Variants in DRC11 observed in about 807,000 individuals in gnomAD.
DRC11 encodes dynein regulatory complex subunit 11.
the DRC11 span, among the ~76,000 whole-genome samples, chr2:236,494,515 C>T: frequency 6.6e-6 from 1 of 152,156 alleles, no homozygotes; most frequent in African/African-American, 2.4e-5. The surrounding 1 kb of genome is among the most constrained non-coding windows in gnomAD (Gnocchi z 4.2). Context: ...AAAAGGAGTA[C>T]AGAAGTGCTA....
At chr2:236,338,522 T>C in the DRC11 span, 1 of 773,682 alleles carries the variant, frequency 1.3e-6, no homozygotes, top group Non-Finnish European at 2.0e-6. Context: ...TTAAGGTTTG[T>C]CCTGGGATGG....
At chr2:236,439,195 A>G in the DRC11 span, among the ~76,000 whole-genome samples, 1 of 151,658 alleles carries the variant, frequency 6.6e-6, no homozygotes, top group Admixed American at 6.6e-5. Flanking sequence ...AAAAGCTAGC[A>G]GAAGGCAAGA....
chr2:236,466,012 G>A, the DRC11 span, among the ~76,000 whole-genome samples: 1 of 151,724 alleles, frequency 6.6e-6, no homozygotes, highest in African/African-American at 2.4e-5. Context: ...GAGAATTATA[G>A]AAAAGAAAAA....
chr2:236,494,681 C>T, the DRC11 span, among the ~76,000 whole-genome samples: 3 of 152,130 alleles, frequency 2.0e-5, no homozygotes, highest in Non-Finnish European at 4.4e-5. This position sits in a 1 kb window ranked among gnomAD's most constrained non-coding sequence, Gnocchi z 4.2. Context: ...TGTGACTCCC[C>T]ATAACCTCCC....
the DRC11 span, among the ~76,000 whole-genome samples, chr2:236,505,602 G>A: frequency 9.9e-5 from 15 of 152,046 alleles, 1 homozygote; most frequent in Non-Finnish European, 2.2e-4. Flanking sequence ...CATTTCATCT[G>A]ATGCTGTCAC....
At chr2:236,337,308 C>G in the DRC11 span, among the ~76,000 whole-genome samples, 4,024 of 152,180 alleles carry the variant, frequency 0.026, 201 homozygotes, top group African/African-American at 0.092. The surrounding 1 kb of genome is among the most constrained non-coding windows in gnomAD (Gnocchi z 4.9). Flanking sequence ...AGAACGGCCG[C>G]CAGCACTCTC....
the DRC11 span, chr2:236,454,630 T>C: frequency 1.1e-4 from 16 of 152,314 alleles, no homozygotes; most frequent in African/African-American, 3.8e-4. This position sits in a 1 kb window ranked among gnomAD's most constrained non-coding sequence, Gnocchi z 5.3. Context: ...ATGCTGAAAG[T>C]AATTCATGCT....
the DRC11 span, among the ~76,000 whole-genome samples, chr2:236,387,522 T>C: frequency 6.6e-6 from 1 of 152,102 alleles, no homozygotes; most frequent in Non-Finnish European, 1.5e-5. Flanking sequence ...TTGGTAGATC[T>C]TCCTCCATCC....
the DRC11 span, among the ~76,000 whole-genome samples, chr2:236,335,874 C>T: frequency 2.0e-5 from 3 of 152,120 alleles, no homozygotes; most frequent in Non-Finnish European, 2.9e-5. The surrounding 1 kb of genome is among the most constrained non-coding windows in gnomAD (Gnocchi z 5.6). Flanking sequence ...GTGGTGCCTG[C>T]CCGTCTTGCG....
chr2:236,446,414 T>A, the DRC11 span, among the ~76,000 whole-genome samples: 3 of 152,170 alleles, frequency 2.0e-5, no homozygotes, highest in East Asian at 3.9e-4. This position sits in a 1 kb window ranked among gnomAD's most constrained non-coding sequence, Gnocchi z 6.2. Flanking sequence ...ATCTGGGGAC[T>A]TCCCCAGGAG....
chr2:236,426,335 G>C, the DRC11 span, among the ~76,000 whole-genome samples: 2 of 151,784 alleles, frequency 1.3e-5, no homozygotes, highest in African/African-American at 4.9e-5. The surrounding 1 kb of genome is among the most constrained non-coding windows in gnomAD (Gnocchi z 4.1). Context: ...ATGTTTTGTA[G>C]GTTTCAATAC....
the DRC11 span, among the ~76,000 whole-genome samples, chr2:236,325,104 G>A: frequency 2.0e-5 from 3 of 152,286 alleles, no homozygotes; most frequent in Admixed American, 6.5e-5. The surrounding 1 kb of genome is among the most constrained non-coding windows in gnomAD (Gnocchi z 4.4). Context: ...TCTTGGTAAC[G>A]TGAAGGGTGC....
At chr2:236,459,576 C>CGTATATACGTACGTAT in the DRC11 span, among the ~76,000 whole-genome samples, 3 of 126,234 alleles carry the variant, frequency 2.4e-5, no homozygotes, top group Non-Finnish European at 3.5e-5. Context: ...TATGTGTATA[C>CGTATATACGTACGTAT]ATACGTATAT....
At chr2:236,489,614 C>G in the DRC11 span, among the ~76,000 whole-genome samples, 9 of 152,114 alleles carry the variant, frequency 5.9e-5, no homozygotes, top group Admixed American at 5.9e-4. Flanking sequence ...AGGGACAGAT[C>G]ACTGGAGTCA....
the DRC11 span, among the ~76,000 whole-genome samples, chr2:236,469,162 G>A: frequency 9.2e-5 from 14 of 152,168 alleles, no homozygotes; most frequent in African/African-American, 2.2e-4. This position sits in a 1 kb window ranked among gnomAD's most constrained non-coding sequence, Gnocchi z 5.8. Flanking sequence ...TTCCTGTACC[G>A]CGTTTCTTTA....
chr2:236,321,023 A>G, the DRC11 span, among the ~76,000 whole-genome samples: 1 of 152,202 alleles, frequency 6.6e-6, no homozygotes, highest in Non-Finnish European at 1.5e-5. Context: ...ACAAGGTACC[A>G]TGCCTTCTCC....
At chr2:236,461,790 A>G in the DRC11 span, among the ~76,000 whole-genome samples, 1 of 152,168 alleles carries the variant, frequency 6.6e-6, no homozygotes, top group African/African-American at 2.4e-5. This position sits in a 1 kb window ranked among gnomAD's most constrained non-coding sequence, Gnocchi z 4.0. Flanking sequence ...TTACACAGCT[A>G]TTTTGTGGGA....
the DRC11 span, among the ~76,000 whole-genome samples, chr2:236,459,534 C>CGTATACGTATACAT: frequency 2.9e-5 from 2 of 70,096 alleles, no homozygotes; most frequent in Non-Finnish European, 6.2e-5. Context: ...TACATGTATA[C>CGTATACGTATACAT]GTATACGTAT....
the DRC11 span, among the ~76,000 whole-genome samples, chr2:236,496,627 G>C: frequency 6.6e-6 from 1 of 152,336 alleles, no homozygotes; most frequent in East Asian, 1.9e-4. The surrounding 1 kb of genome is among the most constrained non-coding windows in gnomAD (Gnocchi z 6.3). Context: ...GAAGGGAAGA[G>C]AAGCAGAGGG....
Sources: allele counts gnomAD v4.1 joint callset (sites outside exome capture counted in the v4.1 genomes callset), GRCh38; gene constraint gnomAD v4.1.1; non-coding constraint Gnocchi (gnomAD v3.1); transcripts MANE v1.5; gene names NCBI Gene and HGNC (gene_info 2026-07-23, HGNC 2026-07-21).